The following ZNF540 variants were observed in gnomAD, a reference collection of about 807,000 sequenced individuals.
The protein encoded by ZNF540 is zinc finger protein 540, also known as CTD-3064H18.6.
Under a neutral mutation model 11.8 loss-of-function variants are expected in ZNF540, and 3 were observed. That is an observed-to-expected ratio of 0.25 (90% confidence interval 0.12 to 0.65). The LOEUF (loss-of-function observed/expected upper bound fraction) is 0.65, where lower values mean the gene tolerates loss of function less well. Among genes scored for constraint, ZNF540 ranks in the 30% least tolerant of loss-of-function variants. The pLI, the probability that ZNF540 is intolerant of heterozygous loss-of-function variation, is 0.83. For missense variants in ZNF540, 709 were observed against 793.1 expected (o/e 0.89, Z 1.27); for synonymous variants, 247 against 259.0 (o/e 0.95, Z 0.45).
At chr19:37,557,136 A>G (rs2042668497) in intron 1 of ZNF540, among the ~76,000 whole-genome samples, 1 of 152,188 alleles carries the variant, frequency 6.6e-6, no homozygotes, top group Non-Finnish European at 1.5e-5. Flanking sequence ...TACTAGTACT[A>G]GAAGGTATTT....
chr19:37,587,034 A>G (rs1600530377), intron 1 of ZNF540: 1 of 244,130 alleles, frequency 4.1e-6, no homozygotes. Context: ...CCCAAACACT[A>G]AGTCAGGTAC....
intron 1 of ZNF540, among the ~76,000 whole-genome samples, chr19:37,580,978 G>C (rs1388761315): frequency 5.9e-5 from 9 of 152,114 alleles, no homozygotes; most frequent in African/African-American, 2.2e-4. Context: ...AAAGTGACCA[G>C]CATCTATGTT....
upstream of ZNF540, among the ~76,000 whole-genome samples, chr19:37,592,157 T>G (rs944880873): frequency 6.6e-6 from 1 of 151,632 alleles, no homozygotes; most frequent in African/African-American, 2.4e-5. Flanking sequence ...ACTCGGGAGG[T>G]TGAGGCAGAA....
At chr19:37,591,401 T>C (rs1006544189), upstream of ZNF540, among the ~76,000 whole-genome samples, 1 of 152,194 alleles carries the variant, frequency 6.6e-6, no homozygotes, top group Non-Finnish European at 1.5e-5. Context: ...AAAAGAATAA[T>C]GATCACAATA....
chr19:37,559,987 A>T (rs1369725556), intron 1 of ZNF540, among the ~76,000 whole-genome samples: 2 of 152,158 alleles, frequency 1.3e-5, no homozygotes, highest in Non-Finnish European at 2.9e-5. Flanking sequence ...GTTTTTAAAA[A>T]TTTTTTTAGC....
chr19:37,558,623 G>A (rs2042686144), intron 1 of ZNF540, among the ~76,000 whole-genome samples: 2 of 152,102 alleles, frequency 1.3e-5, no homozygotes, highest in South Asian at 4.2e-4. Flanking sequence ...TAGAGAGAAA[G>A]ACCTCTGTGC....
chr19:37,578,361 AGAGT>A (rs1010149059), intron 1 of ZNF540, among the ~76,000 whole-genome samples: 10 of 152,132 alleles, frequency 6.6e-5, no homozygotes, highest in African/African-American at 2.2e-4. Flanking sequence ...AAACGGTGAG[AGAGT>A]GAGAGTCCCT....
At chr19:37,605,431 C>A (rs1292886392) in intron 4 of ZNF540, among the ~76,000 whole-genome samples, 4 of 152,100 alleles carry the variant, frequency 2.6e-5, no homozygotes, top group African/African-American at 9.7e-5. Flanking sequence ...GGGTGGATCA[C>A]GAGGTCAGGA....
rs62111491 is a variant in ZNF540 at position 37,564,221 on chromosome 19, T to C, written c.-73+12556T>C. 1,304 of 159,004 alleles carry C rather than the reference T, an allele frequency of 8.2e-3. 13 individuals are homozygous for C. Among genetic ancestry groups the C allele is most frequent in the Non-Finnish European group, 0.014 (993 of 72,840 alleles). The allele number at this position is 159,004 out of a possible 1,614,324, so 9.8% of individuals were successfully genotyped here. A position where few individuals can be genotyped will look rare whatever the true frequency, so the allele number is the denominator to read the frequency against. Reference sequence around the variant, plus strand: ...GTTCTCTAACAGTATGTAATGATGATAATGGCAATCATTTTAACAACAAAT... The same window carrying C: ...GTTCTCTAACAGTATGTAATGATGACAATGGCAATCATTTTAACAACAAAT... On this transcript the variant is annotated intron_variant, in intron 1 of 4. Coordinates refer to the ZNF540 transcript ENST00000592533.
At chr19:37,599,873 T>C in intron 3 of ZNF540, 121 bp downstream of exon 3, 1 of 1,126,634 alleles carries the variant, frequency 8.9e-7, no homozygotes, top group Non-Finnish European at 1.2e-6. Flanking sequence ...CCTCAAGGAA[T>C]GGACTGAACT....
chr19:37,574,690 T>C (rs963209345), intron 1 of ZNF540, among the ~76,000 whole-genome samples: 2 of 152,202 alleles, frequency 1.3e-5, no homozygotes, highest in East Asian at 3.8e-4. Flanking sequence ...TTTTAGTAGA[T>C]ATGACTAGAA....
chr19:37,568,666 A>C (rs971186306), intron 1 of ZNF540, among the ~76,000 whole-genome samples: 5 of 152,210 alleles, frequency 3.3e-5, no homozygotes, highest in Admixed American at 2.6e-4. Flanking sequence ...TTAGAATACC[A>C]AAGTCTCAGA....
intron 1 of ZNF540, chr19:37,560,297 T>C (rs2042703171): frequency 6.6e-6 from 1 of 151,634 alleles, no homozygotes; most frequent in Non-Finnish European, 1.5e-5. Flanking sequence ...AAAATAAAAA[T>C]ATAAATAAAA....
chr19:37,580,441 TTTC>T (rs2043414742), intron 1 of ZNF540, among the ~76,000 whole-genome samples: 1 of 152,252 alleles, frequency 6.6e-6, no homozygotes, highest in Non-Finnish European at 1.5e-5. Flanking sequence ...TCCACAACAT[TTTC>T]TTGATTTATC....
Position 37,611,805 on chromosome 19 carries a change from G to C in ZNF540, c.525G>C (p.Leu175Phe). 1.2e-6 allele frequency: 2 copies of C among 1,613,944 alleles called. No homozygotes were observed. Among genetic ancestry groups the C allele is most frequent in the Non-Finnish European group, 1.7e-6 (2 of 1,179,968 alleles). ...HNSEKSCDSH[L>F]VQHGKIDSDV... ...GTGAGAAAAGCTGTGACTCACACTT[G>C]GTTCAACATGGGAAAATAGATTCTG... The change falls in exon 5 of 5, where the codon TTG becomes TTC. Residue 175 changes from leucine to phenylalanine, a missense_variant. Leu to Phe is a conservative substitution (Grantham distance 22). Coordinates refer to ENST00000316433, the MANE Select transcript of ZNF540 (RefSeq NM_001172225.3).
chr19:37,586,480 CTGTT>C (rs1417730500), intron 1 of ZNF540: 4 of 640,610 alleles, frequency 6.2e-6, no homozygotes, highest in South Asian at 3.9e-5. Context: ...TATCTGAAAA[CTGTT>C]TGGAGAGGGG....
At chr19:37,602,166 CATGGGGT>C (rs2044044276) in intron 4 of ZNF540, among the ~76,000 whole-genome samples, 1 of 152,060 alleles carries the variant, frequency 6.6e-6, no homozygotes, top group Admixed American at 6.5e-5. Context: ...ACAGACATGC[CATGGGGT>C]ATGAGTGAAC....
intron 1 of ZNF540, among the ~76,000 whole-genome samples, chr19:37,551,979 C>T (rs1483500122): frequency 6.6e-6 from 1 of 151,976 alleles, no homozygotes; most frequent in East Asian, 1.9e-4. Flanking sequence ...TTGATTTCAG[C>T]TCTAAGCTTA....
At chr19:37,604,933 A>T (rs2044071843) in intron 4 of ZNF540, among the ~76,000 whole-genome samples, 1 of 152,356 alleles carries the variant, frequency 6.6e-6, no homozygotes, top group East Asian at 1.9e-4. Context: ...TCTGATATTT[A>T]TGCGATTCAT....
Sources: allele counts gnomAD v4.1 joint callset (sites outside exome capture counted in the v4.1 genomes callset), GRCh38; gene constraint gnomAD v4.1.1; transcripts MANE v1.5; gene names NCBI Gene and HGNC (gene_info 2026-07-23, HGNC 2026-07-21).